PKIG: variants seen among roughly 807,000 people sequenced by gnomAD.
The protein encoded by PKIG is protein kinase (cAMP-dependent, catalytic) inhibitor gamma.
Under a neutral mutation model 6.8 loss-of-function variants are expected in PKIG, and 1 was observed. That is an observed-to-expected ratio of 0.15 (90% CI 0.05 to 0.69). PKIG has a LOEUF of 0.69. Among genes scored for constraint, PKIG ranks in the 30% least tolerant of loss-of-function variants. PKIG has a pLI of 0.82. For missense variants in PKIG, 77 were observed against 104.0 expected (o/e 0.74, Z 1.13); for synonymous variants, 39 against 43.0 (o/e 0.91, Z 0.36).
chr20:44,542,660 C>T (rs1204367040), intron 1 of PKIG, among the ~76,000 whole-genome samples: 1 of 152,020 alleles, frequency 6.6e-6, no homozygotes, highest in Non-Finnish European at 1.5e-5. Context: ...AATCTTGGCT[C>T]ACTGCAGCCT....
chr20:44,558,534 C>G (rs2064734979), intron 1 of PKIG, among the ~76,000 whole-genome samples: 1 of 149,966 alleles, frequency 6.7e-6, no homozygotes, highest in South Asian at 2.1e-4. Flanking sequence ...TGCCAACACT[C>G]CAGTCCAACC....
chr20:44,617,831 G>A (rs1261937437), intron 3 of PKIG, among the ~76,000 whole-genome samples: 1 of 151,968 alleles, frequency 6.6e-6, no homozygotes, highest in Non-Finnish European at 1.5e-5. Flanking sequence ...GATCACCTGA[G>A]GTCAGGAGTT....
intron 1 of PKIG, among the ~76,000 whole-genome samples, chr20:44,540,908 A>G (rs899946932): frequency 2.0e-5 from 3 of 152,170 alleles, no homozygotes; most frequent in African/African-American, 7.2e-5. Context: ...TTCTCTGGTT[A>G]TACTTGAGGT....
intron 1 of PKIG, among the ~76,000 whole-genome samples, chr20:44,560,089 G>GA (rs1475087170): frequency 1.9e-4 from 28 of 150,970 alleles, no homozygotes; most frequent in Admixed American, 1.7e-3. Context: ...AAGAAGGAAA[G>GA]AAAAAAGAAA....
At chr20:44,549,496 G>A (rs1735548344) in intron 1 of PKIG, among the ~76,000 whole-genome samples, 2 of 152,158 alleles carry the variant, frequency 1.3e-5, no homozygotes, top group African/African-American at 4.8e-5. Context: ...CATCCAGCCA[G>A]TGTTGTACTA....
chr20:44,559,470 C>G (rs2064747739), intron 1 of PKIG, among the ~76,000 whole-genome samples: 1 of 152,172 alleles, frequency 6.6e-6, no homozygotes, highest in South Asian at 2.1e-4. Flanking sequence ...ATTATCAGAA[C>G]CAAGGCAGGC....
At chr20:44,587,179 G>A (rs974563524) in intron 1 of PKIG, among the ~76,000 whole-genome samples, 1 of 152,206 alleles carries the variant, frequency 6.6e-6, no homozygotes, top group African/African-American at 2.4e-5. Context: ...TGCAACAAGG[G>A]AAGATAGACA....
chr20:44,558,552 TC>T (rs1415134334), intron 1 of PKIG, among the ~76,000 whole-genome samples: 1 of 143,076 alleles, frequency 7.0e-6, no homozygotes, highest in Non-Finnish European at 1.5e-5. Flanking sequence ...ACCTCACATT[TC>T]TTTTTCTTTC....
At chr20:44,570,302 T>G (rs1282708927) in intron 1 of PKIG, among the ~76,000 whole-genome samples, 2 of 152,208 alleles carry the variant, frequency 1.3e-5, no homozygotes, top group Non-Finnish European at 2.9e-5. Context: ...CAGTATTTCC[T>G]ATGATAAGTT....
At chr20:44,532,981 A>G (rs1362424001) in intron 1 of PKIG, among the ~76,000 whole-genome samples, 1 of 152,142 alleles carries the variant, frequency 6.6e-6, no homozygotes, top group East Asian at 1.9e-4. Flanking sequence ...GAAAGACTGT[A>G]AGTGTGGAGG....
intron 1 of PKIG, among the ~76,000 whole-genome samples, chr20:44,554,743 G>A (rs901219695): frequency 1.1e-4 from 16 of 152,144 alleles, no homozygotes; most frequent in Admixed American, 8.5e-4. Flanking sequence ...AAGTGTCTAT[G>A]CAGAAGACAA....
At chr20:44,557,340 A>C (rs1473984867) in intron 1 of PKIG, among the ~76,000 whole-genome samples, 2 of 152,012 alleles carry the variant, frequency 1.3e-5, no homozygotes, top group African/African-American at 4.8e-5. Context: ...CAGCCTGGCC[A>C]ACGTGGTGGA....
intron 2 of PKIG, among the ~76,000 whole-genome samples, chr20:44,606,513 A>G (rs920101000): frequency 4.6e-5 from 7 of 152,174 alleles, no homozygotes; most frequent in African/African-American, 1.4e-4. Flanking sequence ...GGCACCTTTT[A>G]TAAAAGGGCT....
Position 44,618,625 on chromosome 20 carries a change from T to C in PKIG, c.*261T>C. On this transcript the variant is annotated 3_prime_UTR_variant, in exon 4 of 4. Coordinates refer to ENST00000372886, the MANE Select transcript of PKIG (RefSeq NM_001281445.2). ...CACTGTAACCACAAGATGTTATTTA[T>C]TGAGCTGGCGCCGGGACTTGGGCGG... 1 of 394,388 alleles carries C rather than the reference T, an allele frequency of 2.5e-6. No individual in the cohort carries two copies. The highest frequency in any genetic ancestry group is 4.8e-6 in the Non-Finnish European group (1 of 208,300). The allele number at this position is 394,388 out of a possible 1,614,324, so 24.4% of individuals were successfully genotyped here.
chr20:44,537,666 C>G (rs980564203), intron 1 of PKIG, among the ~76,000 whole-genome samples: 32 of 151,896 alleles, frequency 2.1e-4, no homozygotes, highest in Admixed American at 5.2e-4. Flanking sequence ...CACCCTTCGC[C>G]TTTGAGGTTC....
At chr20:44,533,868 C>A (rs980877940) in intron 1 of PKIG, among the ~76,000 whole-genome samples, 1 of 152,044 alleles carries the variant, frequency 6.6e-6, no homozygotes, top group South Asian at 2.1e-4. Flanking sequence ...GCTGAGATGT[C>A]GAGTAATACA....
At chr20:44,590,804 T>G (rs567485494) in intron 2 of PKIG, among the ~76,000 whole-genome samples, 1 of 152,312 alleles carries the variant, frequency 6.6e-6, no homozygotes, top group East Asian at 1.9e-4. Flanking sequence ...CCACTGTGCA[T>G]CTGTCCATAA....
chr20:44,584,110 T>C (rs928411630), intron 1 of PKIG, among the ~76,000 whole-genome samples: 8 of 152,176 alleles, frequency 5.3e-5, no homozygotes, highest in Admixed American at 1.3e-4. Context: ...TACAGAGCAC[T>C]AGATGGTCAG....
At chr20:44,551,995 G>A (rs114999695) in intron 1 of PKIG, among the ~76,000 whole-genome samples, 96 of 152,216 alleles carry the variant, frequency 6.3e-4, no homozygotes, top group African/African-American at 1.9e-3. Flanking sequence ...GGAAATATTC[G>A]TAATTGCTAC....
Sources: allele counts gnomAD v4.1 joint callset (sites outside exome capture counted in the v4.1 genomes callset), GRCh38; gene constraint gnomAD v4.1.1; transcripts MANE v1.5; gene names NCBI Gene and HGNC (gene_info 2026-07-23, HGNC 2026-07-21).